OR14A2: variants seen among roughly 807,000 people sequenced by gnomAD.
OR14A2 encodes olfactory receptor 14A2.
For missense variants in OR14A2, 237 were observed against 152.9 expected (o/e 1.55, Z -2.90); for synonymous variants, 114 against 58.6 (o/e 1.95, Z -4.32).
the OR14A2 span, among the ~76,000 whole-genome samples, chr1:247,738,084 C>T: frequency 1.3e-5 from 2 of 152,046 alleles, no homozygotes; most frequent in African/African-American, 4.8e-5. Context: ...AAGGAGTAAA[C>T]TTTAATGCAA....
the OR14A2 span, among the ~76,000 whole-genome samples, chr1:247,729,153 C>T: frequency 6.6e-6 from 1 of 151,970 alleles, no homozygotes; most frequent in Non-Finnish European, 1.5e-5. Context: ...TTAGAATTCC[C>T]CAAAGAAAAA....
chr1:247,739,269 A>G, the OR14A2 span: 1 of 780,760 alleles, frequency 1.3e-6, no homozygotes, highest in Non-Finnish European at 2.4e-6. Context: ...CTATGTGTAC[A>G]TTTTCTCTGC....
chr1:247,747,818 A>C, the OR14A2 span, among the ~76,000 whole-genome samples: 1 of 152,172 alleles, frequency 6.6e-6, no homozygotes, highest in Non-Finnish European at 1.5e-5. Flanking sequence ...TTAAGTCTCG[A>C]GACTAGAAAG....
At chr1:247,733,553 T>C in the OR14A2 span, among the ~76,000 whole-genome samples, 3 of 152,168 alleles carry the variant, frequency 2.0e-5, no homozygotes, top group African/African-American at 7.2e-5. Flanking sequence ...ACTCTCCCTA[T>C]ATAACAAAAG....
exon 1 of OR14A2, chr1:247,723,969 A>G (rs1317217807): frequency 1.4e-6 from 1 of 716,568 alleles, no homozygotes; most frequent in African/African-American, 1.8e-5. Flanking sequence ...AGAGCACACC[A>G]TATAAAATCC....
chr1:247,735,710 C>T, the OR14A2 span, among the ~76,000 whole-genome samples: 2 of 152,144 alleles, frequency 1.3e-5, no homozygotes, highest in African/African-American at 2.4e-5. Flanking sequence ...AGCTTGGAGA[C>T]TGCACAAAAG....
chr1:247,726,717 T>G (rs1426078333), upstream of OR14A2, among the ~76,000 whole-genome samples: 16 of 146,404 alleles, frequency 1.1e-4, no homozygotes, highest in African/African-American at 4.2e-4. Context: ...GTATAAGGTG[T>G]AAGGAAGGGA....
chr1:247,742,121 T>C, the OR14A2 span, among the ~76,000 whole-genome samples: 1 of 152,228 alleles, frequency 6.6e-6, no homozygotes, highest in Non-Finnish European at 1.5e-5. Context: ...TAGTTTGTTA[T>C]GGGTTTATGG....
the OR14A2 span, among the ~76,000 whole-genome samples, chr1:247,742,422 T>C: frequency 6.6e-6 from 1 of 151,100 alleles, no homozygotes; most frequent in African/African-American, 2.4e-5. Flanking sequence ...TGGAATGTAA[T>C]CTGACATCAC....
At chr1:247,733,955 T>C in the OR14A2 span, among the ~76,000 whole-genome samples, 1 of 152,074 alleles carries the variant, frequency 6.6e-6, no homozygotes, top group South Asian at 2.1e-4. Flanking sequence ...GTTAAGAAGG[T>C]TGCATGATAA....
At chr1:247,737,212 A>G in the OR14A2 span, among the ~76,000 whole-genome samples, 1 of 152,128 alleles carries the variant, frequency 6.6e-6, no homozygotes, top group Non-Finnish European at 1.5e-5. Flanking sequence ...AGCTCTGTTT[A>G]TTCTTGCTCA....
At chr1:247,725,682 TC>T (rs1439489016), upstream of OR14A2, among the ~76,000 whole-genome samples, 3 of 86,816 alleles carry the variant, frequency 3.5e-5, no homozygotes, top group Admixed American at 4.5e-4. Flanking sequence ...CCCTCCCCCC[TC>T]CCCCCACCCC....
the OR14A2 span, among the ~76,000 whole-genome samples, chr1:247,740,170 G>A: frequency 6.6e-6 from 1 of 151,914 alleles, no homozygotes; most frequent in East Asian, 1.9e-4. Context: ...TCATCTTTTC[G>A]GCATTCTCTT....
At chr1:247,747,744 A>T in the OR14A2 span, among the ~76,000 whole-genome samples, 1 of 152,284 alleles carries the variant, frequency 6.6e-6, no homozygotes, top group East Asian at 1.9e-4. Flanking sequence ...ATGATGATTC[A>T]CCATGTAGGA....
At chr1:247,732,966 AC>A in the OR14A2 span, among the ~76,000 whole-genome samples, 3 of 152,090 alleles carry the variant, frequency 2.0e-5, no homozygotes, top group African/African-American at 7.2e-5. Flanking sequence ...TTACTTTTCC[AC>A]CCTTTTGCCA....
At chr1:247,736,578 G>A in the OR14A2 span, among the ~76,000 whole-genome samples, 1 of 152,112 alleles carries the variant, frequency 6.6e-6, no homozygotes, top group Non-Finnish European at 1.5e-5. Context: ...TCAAAAATGA[G>A]ACTGAAGGGA....
At chr1:247,726,013 G>C (rs1660342767), upstream of OR14A2, among the ~76,000 whole-genome samples, 1 of 145,228 alleles carries the variant, frequency 6.9e-6, no homozygotes, top group African/African-American at 2.7e-5. Context: ...TGTCTTTATA[G>C]CAGCATGATT....
chr1:247,727,482 AATTGACACCCTAAC>A (rs1425458667), upstream of OR14A2, among the ~76,000 whole-genome samples: 7 of 152,104 alleles, frequency 4.6e-5, no homozygotes, highest in Admixed American at 6.6e-5. Context: ...AAAGATCCAA[AATTGACACCCTAAC>A]ATCACAATTA....
At chr1:247,730,765 T>C in the OR14A2 span, among the ~76,000 whole-genome samples, 1 of 152,106 alleles carries the variant, frequency 6.6e-6, no homozygotes, top group African/African-American at 2.4e-5. Context: ...ACTCTGATGT[T>C]GGAGGGCCAG....
Sources: gnomAD v4.1 joint callset for allele counts (sites outside exome capture counted in the v4.1 genomes callset) on GRCh38, gnomAD v4.1.1 for gene constraint, MANE v1.5 for transcripts, NCBI Gene and HGNC (gene_info 2026-07-23, HGNC 2026-07-21) for gene names.